Variants in CEP112 observed in about 807,000 individuals in gnomAD.
CEP112 encodes centrosomal protein of 112 kDa.
In CEP112, 127 loss-of-function variants were observed where a neutral mutation model predicts 153.0. That is an observed-to-expected ratio of 0.83 (90% CI 0.72 to 0.96). The LOEUF is 0.96. CEP112 is among the 40% of genes least tolerant of loss of function. The probability of loss-of-function intolerance (pLI) is 0.00; values close to 1 mark genes in which losing one functional copy is unlikely to be tolerated. For missense variants in CEP112, 1,089 were observed against 1,101.2 expected, an observed-to-expected ratio of 0.99 and a Z score of 0.16; for synonymous variants, 358 against 374.4, an observed-to-expected ratio of 0.96 and a Z score of 0.51.
chr17:65,905,291 G>T (rs1395862617), intron 19 of CEP112, among the ~76,000 whole-genome samples: 2 of 152,120 alleles, frequency 1.3e-5, no homozygotes, highest in Non-Finnish European at 2.9e-5. Flanking sequence ...GTGGATGAAG[G>T]ATATGAACAG....
At chr17:65,971,747 C>T (rs573517778) in intron 17 of CEP112, among the ~76,000 whole-genome samples, 2 of 152,178 alleles carry the variant, frequency 1.3e-5, no homozygotes, top group South Asian at 2.1e-4. Context: ...ATTGCTCTAA[C>T]AACACTAATC....
intron 23 of CEP112, among the ~76,000 whole-genome samples, chr17:65,739,553 T>C (rs968554154): frequency 6.6e-6 from 1 of 151,988 alleles, no homozygotes; most frequent in African/African-American, 2.4e-5. Context: ...CTGGCCAACA[T>C]GGTGAAACCC....
At chr17:66,100,922 C>A (rs138453127) in intron 6 of CEP112, among the ~76,000 whole-genome samples, 64 of 152,122 alleles carry the variant, frequency 4.2e-4, no homozygotes, top group African/African-American at 1.5e-3. Context: ...AGGTTATGTA[C>A]AAATACTGCA....
At chr17:66,034,157 C>T (rs916590914) in intron 12 of CEP112, among the ~76,000 whole-genome samples, 15 of 152,230 alleles carry the variant, frequency 9.9e-5, no homozygotes, top group Non-Finnish European at 1.8e-4. Flanking sequence ...AGGATAACTG[C>T]TAAAATGTCA....
At chr17:65,668,910 CAGAATCT>C (rs1453786683) in intron 24 of CEP112, among the ~76,000 whole-genome samples, 1 of 152,192 alleles carries the variant, frequency 6.6e-6, no homozygotes, top group Non-Finnish European at 1.5e-5. Context: ...ACTCCACTTA[CAGAATCT>C]TGCCCTCCCC....
rs765522021 is a variant in CEP112 at position 65,961,575 on chromosome 17, C to T, written c.1760G>A (p.Arg587His). The T allele has an allele frequency of 8.1e-6, 13 of 1,612,314 alleles. No individual in the cohort carries two copies. The East Asian group carries it at 1.3e-4, about 17-fold the overall frequency. ...ALKEKEEQLTRVTEVQRLQAQ... is the reference protein window; with the variant it reads ...ALKEKEEQLTHVTEVQRLQAQ... ...CTGCAACCTCTGAACTTCAGTCACA[C>T]GAGTTAGCTGCTCCTCTTTTTCCCT... The change falls in exon 18 of 27, where the codon CGT becomes CAT. Residue 587 changes from arginine (R) to histidine (H), a missense_variant. Coordinates refer to ENST00000535342, the MANE Select transcript of CEP112 (RefSeq NM_001199165.4).
At chr17:66,112,870 C>G (rs1287332601) in intron 6 of CEP112, among the ~76,000 whole-genome samples, 1 of 152,000 alleles carries the variant, frequency 6.6e-6, no homozygotes, top group Admixed American at 6.6e-5. Context: ...CGCTTGAACC[C>G]GAGAAGCGGA....
At chr17:65,657,747 C>G (rs1481863627) in intron 24 of CEP112, among the ~76,000 whole-genome samples, 1 of 152,018 alleles carries the variant, frequency 6.6e-6, no homozygotes, top group East Asian at 1.9e-4. Flanking sequence ...AATAAAAGAC[C>G]CAAGAAAACC....
At chr17:66,005,911 T>C in intron 16 of CEP112, 142 bp from the exon 17 acceptor site, 2 of 685,088 alleles carry the variant, frequency 2.9e-6, no homozygotes, top group South Asian at 2.7e-5. Flanking sequence ...AAACTTGGTC[T>C]ACCATAGAAT....
chr17:65,944,171 A>G (rs2061582954), intron 18 of CEP112, among the ~76,000 whole-genome samples: 1 of 152,220 alleles, frequency 6.6e-6, no homozygotes, highest in African/African-American at 2.4e-5. Context: ...GAACACATAG[A>G]CACAGGGAGG....
At chr17:66,083,743 C>T (rs1421537900) in intron 8 of CEP112, among the ~76,000 whole-genome samples, 1 of 151,958 alleles carries the variant, frequency 6.6e-6, no homozygotes, top group Non-Finnish European at 1.5e-5. Context: ...TCCAGCTACT[C>T]GGGAGGCTGA....
chr17:66,097,831 C>G (rs1424523751), intron 6 of CEP112, among the ~76,000 whole-genome samples: 1 of 152,274 alleles, frequency 6.6e-6, no homozygotes, highest in East Asian at 1.9e-4. Flanking sequence ...AAAATCTCTA[C>G]CGTGAAAGTC....
At chr17:66,105,351 G>C (rs1371415728) in intron 6 of CEP112, among the ~76,000 whole-genome samples, 3 of 152,202 alleles carry the variant, frequency 2.0e-5, no homozygotes, top group African/African-American at 7.2e-5. Context: ...CTAAAAGGAA[G>C]ACAGGAAGGA....
At chr17:65,965,518 CTTT>C (rs1555734628) in intron 17 of CEP112, among the ~76,000 whole-genome samples, 1 of 122,086 alleles carries the variant, frequency 8.2e-6, no homozygotes, top group African/African-American at 3.3e-5. Flanking sequence ...CTTCTGCCCC[CTTT>C]TTTTTTTTTT....
chr17:66,161,770 G>T (rs558052998), intron 4 of CEP112, among the ~76,000 whole-genome samples: 1 of 151,942 alleles, frequency 6.6e-6, no homozygotes, highest in Admixed American at 6.6e-5. Context: ...ACCGTGGCAT[G>T]TGTATACCTA....
intron 6 of CEP112, among the ~76,000 whole-genome samples, chr17:66,105,230 G>T (rs376328539): frequency 6.6e-6 from 1 of 151,990 alleles, no homozygotes; most frequent in Admixed American, 6.6e-5. Flanking sequence ...AATATAATGC[G>T]TTAAATTACA....
chr17:65,806,907 A>T (rs2055638448), intron 21 of CEP112, among the ~76,000 whole-genome samples: 1 of 152,220 alleles, frequency 6.6e-6, no homozygotes, highest in African/African-American at 2.4e-5. Context: ...TGCTATAAAG[A>T]TACCTGAAGA....
intron 8 of CEP112, among the ~76,000 whole-genome samples, chr17:66,088,925 TAGAACCA>T (rs1387333539): frequency 7.1e-6 from 1 of 141,072 alleles, no homozygotes. Context: ...AAACCCACCC[TAGAACCA>T]GGTCAGCCCT....
chr17:66,162,485 T>C (rs768134640), intron 4 of CEP112, among the ~76,000 whole-genome samples: 1 of 152,160 alleles, frequency 6.6e-6, no homozygotes, highest in East Asian at 1.9e-4. Context: ...CTAAGAGACA[T>C]GTAAAAGAGT....
Sources: allele counts gnomAD v4.1 joint callset (sites outside exome capture counted in the v4.1 genomes callset), GRCh38; gene constraint gnomAD v4.1.1; transcripts MANE v1.5; gene names NCBI Gene and HGNC (gene_info 2026-07-23, HGNC 2026-07-21).